Variants in PTGFRN observed in about 807,000 individuals in gnomAD.
PTGFRN encodes the protein prostaglandin F2 receptor inhibitor, also known as prostaglandin F2 receptor negative regulator.
Under a neutral mutation model 83.2 loss-of-function variants are expected in PTGFRN, and 35 were observed. The observed-to-expected ratio is 0.42, with a 90% confidence interval of 0.32 to 0.56. The LOEUF (loss-of-function observed/expected upper bound fraction) is 0.56, where lower values mean the gene tolerates loss of function less well. PTGFRN is among the 20% of genes least tolerant of loss of function. The pLI, the probability that PTGFRN is intolerant of heterozygous loss-of-function variation, is 0.11. For synonymous variants in PTGFRN, 519 were observed against 498.6 expected (o/e 1.04, Z -0.55); for missense variants, 1,051 against 1,179.5 (o/e 0.89, Z 1.60).
intron 2 of PTGFRN, 50 bp downstream of exon 2, chr1:116,942,133 C>A (rs1222501786): frequency 4.5e-6 from 7 of 1,551,770 alleles, no homozygotes; most frequent in Non-Finnish European, 6.1e-6. Flanking sequence ...CCTTTCTCTG[C>A]CCCTGGGCTG....
intron 3 of PTGFRN, among the ~76,000 whole-genome samples, chr1:116,946,457 C>T (rs1359549960): frequency 6.6e-6 from 1 of 152,184 alleles, no homozygotes; most frequent in Non-Finnish European, 1.5e-5. Flanking sequence ...GCAATCTGCC[C>T]TAAGAAACCT....
intron 1 of PTGFRN, among the ~76,000 whole-genome samples, chr1:116,938,132 AGAGAATTAGTC>A (rs1289895855): frequency 6.6e-6 from 1 of 152,214 alleles, no homozygotes; most frequent in Non-Finnish European, 1.5e-5. Context: ...TGATGGCTTC[AGAGAATTAGTC>A]ACTGCTGGGT....
chr1:116,948,352 C>G (rs1650253604), intron 3 of PTGFRN, among the ~76,000 whole-genome samples: 1 of 152,282 alleles, frequency 6.6e-6, no homozygotes, highest in South Asian at 2.1e-4. Context: ...AGTGCTTCAT[C>G]TAAATATAGT....
chr1:116,934,238 T>C (rs1649866340), intron 1 of PTGFRN, among the ~76,000 whole-genome samples: 1 of 152,114 alleles, frequency 6.6e-6, no homozygotes, highest in African/African-American at 2.4e-5. Context: ...CTCCATCTCC[T>C]GGGCTCAAGC....
intron 7 of PTGFRN, among the ~76,000 whole-genome samples, chr1:116,975,988 G>T (rs1042203762): frequency 6.6e-6 from 1 of 152,166 alleles, no homozygotes; most frequent in Non-Finnish European, 1.5e-5. Context: ...AAGATTAGAC[G>T]AATGGCTAAA....
In PTGFRN at chr1:116,910,116, C is replaced by T; in HGVS notation, c.-88C>T. ...CGCGGCCCAGGCGGAGGAGCGCCGA[C>T]TCTGGAGCAGCCGGAGCTGGAAGAG... On this transcript the variant is annotated 5_prime_UTR_variant, in exon 1 of 9. Transcript: ENST00000393203. The T allele has an allele frequency of 1.4e-6, 2 of 1,425,336 alleles. No homozygotes were observed. The highest frequency in any genetic ancestry group is 2.7e-5 in the East Asian group (1 of 37,560). 88.3% of individuals were successfully genotyped at this position (1,425,336 alleles called of 1,614,324 possible).
At chr1:116,913,999 T>C (rs1469490740) in intron 1 of PTGFRN, among the ~76,000 whole-genome samples, 1 of 152,238 alleles carries the variant, frequency 6.6e-6, no homozygotes, top group African/African-American at 2.4e-5. Flanking sequence ...AAAAGGACTT[T>C]GTATTAATCA....
intron 3 of PTGFRN, among the ~76,000 whole-genome samples, chr1:116,948,141 CTGCT>C (rs1024930324): frequency 1.3e-5 from 2 of 152,230 alleles, no homozygotes; most frequent in African/African-American, 2.4e-5. Flanking sequence ...GGCTGTGCCT[CTGCT>C]TGAATCCCCT....
rs549034126 is a variant in PTGFRN, at chr1:116,948,112, C to T, written c.833-1080C>T. 1.4e-4 allele frequency among the ~76,000 whole-genome samples: 21 copies of T among 152,316 alleles called. No individual in the cohort carries two copies. The East Asian group carries it at 2.3e-3, about 17-fold the overall frequency. ...GCCAGCGCCATGCCGTTGATGCCAG[C>T]GACTTGCTAGAAGGCCAGGGCTGTG... On this transcript the variant is annotated intron_variant, in intron 3 of 8. Transcript: ENST00000393203.
At chr1:116,921,339 T>TA (rs1384453250) in intron 1 of PTGFRN, among the ~76,000 whole-genome samples, 3 of 152,240 alleles carry the variant, frequency 2.0e-5, no homozygotes, top group African/African-American at 7.2e-5. Flanking sequence ...AGCGAGGAGT[T>TA]AAAAAACACA....
At position 116,986,830 on chromosome 1, in the gene PTGFRN, A is replaced by G. The variant is rs752884787; in HGVS notation, c.2503A>G (p.Ile835Val). 4.5e-5 allele frequency: 72 copies of G among 1,613,940 alleles called. No individual in the cohort carries two copies. Among genetic ancestry groups the G allele is most frequent in the Non-Finnish European group, 5.8e-5 (69 of 1,179,990 alleles). Residue 835 changes from isoleucine to valine, a missense_variant, in exon 9 of 9, where the codon ATC becomes GTC. Transcript: ENST00000393203. Reference protein sequence around the residue: ...VLNAFKYPLLIGVGLSTVIGL... With the variant: ...VLNAFKYPLLVGVGLSTVIGL... Reference sequence around the variant, plus strand: ...GAACGCCTTCAAGTATCCCTTGCTGATCGGCGTCGGTCTGTCCACGGTCAT... The same window carrying G: ...GAACGCCTTCAAGTATCCCTTGCTGGTCGGCGTCGGTCTGTCCACGGTCAT...
intron 6 of PTGFRN, 88 bp downstream of exon 6, chr1:116,967,418 T>C: frequency 7.5e-7 from 1 of 1,341,062 alleles, no homozygotes; most frequent in Non-Finnish European, 1.0e-6. Context: ...AAAACAGCTT[T>C]GTTAAGATGC....
At chr1:116,975,522 G>A (rs975822172) in intron 7 of PTGFRN, among the ~76,000 whole-genome samples, 3 of 152,318 alleles carry the variant, frequency 2.0e-5, no homozygotes, top group Admixed American at 2.0e-4. Flanking sequence ...CCTCTGAGAC[G>A]AAGCTTCCAG....
At chr1:116,948,930 A>C (rs1445785626) in intron 3 of PTGFRN, among the ~76,000 whole-genome samples, 2 of 152,200 alleles carry the variant, frequency 1.3e-5, no homozygotes, top group Non-Finnish European at 2.9e-5. Context: ...ATTATATGTA[A>C]AGCACTCAGA....
At chr1:116,976,801 A>G (rs192918073) in intron 7 of PTGFRN, among the ~76,000 whole-genome samples, 15 of 152,364 alleles carry the variant, frequency 9.8e-5, no homozygotes, top group Admixed American at 9.8e-4. Context: ...GATGCTAGGA[A>G]GAAACTATAT....
intron 4 of PTGFRN, among the ~76,000 whole-genome samples, chr1:116,953,719 C>T (rs1248351240): frequency 6.6e-6 from 1 of 151,842 alleles, no homozygotes; most frequent in East Asian, 1.9e-4. Context: ...AGCAGCTGCT[C>T]CTAAGAGGAG....
chr1:116,985,107 T>C, intron 8 of PTGFRN, 122 bp downstream of exon 8: 1 of 1,058,236 alleles, frequency 9.4e-7, no homozygotes, highest in East Asian at 2.5e-5. Flanking sequence ...CTGCTTTCTT[T>C]CTAGACCTGG....
At chr1:116,960,821 G>A (rs367630454) in intron 4 of PTGFRN, among the ~76,000 whole-genome samples, 6 of 152,288 alleles carry the variant, frequency 3.9e-5, no homozygotes, top group East Asian at 3.9e-4. Context: ...GGGGTTTTCC[G>A]ATACTGTTCC....
At position 116,943,123 on chromosome 1, in the gene PTGFRN, C is replaced by T. The variant is rs946519077; in HGVS notation, c.418+1040C>T. Among the ~76,000 whole-genome samples, 8 of 152,070 alleles carry T rather than the reference C, an allele frequency of 5.3e-5. No individual in the cohort carries two copies. In the South Asian group the frequency reaches 6.2e-4, roughly 12 times the overall value. ...AAAATGCACATGATGATATAAAAAG[C>T]GAGGGTTGATTGAGGCATTCATTCC... On this transcript the variant is annotated intron_variant, in intron 2 of 8. Transcript: ENST00000393203.
Sources: gnomAD v4.1 joint callset for allele counts (sites outside exome capture counted in the v4.1 genomes callset) on GRCh38, gnomAD v4.1.1 for gene constraint, MANE v1.5 for transcripts, NCBI Gene and HGNC (gene_info 2026-07-23, HGNC 2026-07-21) for gene names.